The following ERCC8 variants were observed in gnomAD, a reference collection of about 807,000 sequenced individuals.
The protein encoded by ERCC8 is DNA excision repair protein ERCC-8.
Under a neutral mutation model 54.9 loss-of-function variants are expected in ERCC8, and 52 were observed. The observed-to-expected ratio is 0.95, with a 90% CI of 0.76 to 1.19. The LOEUF is 1.19. ERCC8 is among the 50% of genes most tolerant of loss of function. ERCC8 has a pLI of 0.00. For synonymous variants in ERCC8, 146 were observed against 157.2 expected (o/e 0.93, Z 0.53); for missense variants, 514 against 466.1 (o/e 1.10, Z -0.95).
At chr5:60,901,626 C>A (rs777880562) in intron 7 of ERCC8, among the ~76,000 whole-genome samples, 5 of 152,082 alleles carry the variant, frequency 3.3e-5, no homozygotes, top group Non-Finnish European at 5.9e-5. Context: ...TCATGTCCAC[C>A]TTTTCCTCTT....
At chr5:60,882,667 G>C (rs910881993) in intron 11 of ERCC8, among the ~76,000 whole-genome samples, 6 of 152,112 alleles carry the variant, frequency 3.9e-5, no homozygotes, top group African/African-American at 1.4e-4. Context: ...GATTACAGGC[G>C]TGAGCCACCA....
rs1350753478 is a variant in ERCC8, at chr5:60,870,357, A to T, written c.*4258T>A. Reference sequence around the variant, plus strand: ...GATAAGACAATGAAAGAGAAGTCGAAGTCAGGCCCGGCACGGTGGCTCACG... The same window carrying T: ...GATAAGACAATGAAAGAGAAGTCGATGTCAGGCCCGGCACGGTGGCTCACG... On this transcript the variant is annotated 3_prime_UTR_variant, in exon 12 of 12. Coordinates refer to ENST00000676185, the MANE Select transcript of ERCC8 (RefSeq NM_000082.4). 6.6e-6 allele frequency among the ~76,000 whole-genome samples: 1 copy of T among 151,826 alleles called. No individual in the cohort carries two copies. The highest frequency in any genetic ancestry group is 1.5e-5 in the Non-Finnish European group (1 of 67,958).
intron 11 of ERCC8, among the ~76,000 whole-genome samples, chr5:60,880,817 C>G (rs890126953): frequency 2.0e-5 from 3 of 152,146 alleles, no homozygotes; most frequent in Non-Finnish European, 4.4e-5. Flanking sequence ...CAAACTTCCT[C>G]CTTTAGCCCG....
intron 3 of ERCC8, among the ~76,000 whole-genome samples, chr5:60,921,120 A>T (rs890697518): frequency 6.6e-6 from 1 of 151,942 alleles, no homozygotes; most frequent in Non-Finnish European, 1.5e-5. Context: ...ATAGAAACGT[A>T]TAAGAACCAC....
At chr5:60,892,534 G>A in intron 9 of ERCC8, 1 of 626,604 alleles carries the variant, frequency 1.6e-6, no homozygotes, top group African/African-American at 1.8e-5. Flanking sequence ...GCCTGCTCCT[G>A]ACTGTGTAAG....
At chr5:60,937,965 A>C (rs1327117408) in intron 1 of ERCC8, among the ~76,000 whole-genome samples, 1 of 150,604 alleles carries the variant, frequency 6.6e-6, no homozygotes, top group East Asian at 1.9e-4. Flanking sequence ...TAGTGTCTTA[A>C]GATGGCTACA....
chr5:60,941,067 G>A (rs1750243346), intron 1 of ERCC8, among the ~76,000 whole-genome samples: 1 of 152,136 alleles, frequency 6.6e-6, no homozygotes, highest in African/African-American at 2.4e-5. Context: ...TAATCCCAGT[G>A]ACTCTTGTGA....
At chr5:60,895,204 T>C (rs1321052719) in intron 9 of ERCC8, among the ~76,000 whole-genome samples, 1 of 151,892 alleles carries the variant, frequency 6.6e-6, no homozygotes, top group Admixed American at 6.6e-5. Context: ...TTCACTTTTT[T>C]TTCTATAGGT....
At chr5:60,922,297 A>G in intron 2 of ERCC8, 142 bp from the exon 3 acceptor site, 1 of 529,238 alleles carries the variant, frequency 1.9e-6, no homozygotes, top group South Asian at 2.9e-5. Context: ...TTAATCCTCA[A>G]TAACACAGAC....
At chr5:60,905,933 AG>A (rs1357180503) in intron 4 of ERCC8, among the ~76,000 whole-genome samples, 3 of 151,906 alleles carry the variant, frequency 2.0e-5, no homozygotes, top group African/African-American at 7.3e-5. Context: ...TGCAATCATA[AG>A]GGTGTGGGGA....
chr5:60,890,976 A>G lies in ERCC8; in HGVS notation c.954T>C (p.Val318=). The G allele has an allele frequency of 6.2e-7, 1 of 1,613,288 alleles. No individual in the cohort carries two copies. Among genetic ancestry groups the G allele is most frequent in the Non-Finnish European group, 8.5e-7 (1 of 1,179,374 alleles). Residue 318 remains valine (V), a synonymous_variant, in exon 10 of 12, where the codon GTT becomes GTC. Transcript: ENST00000676185. ...VFVPYGSTIA[V]YTVYSGEQIT... is the part of the protein sequence containing the mutation. Reference sequence around the variant, plus strand: ...TCTGTTCTCCTGAGTAAACTGTATAAACAGCAATGGTGCTACCATATGGTA... The same window carrying G: ...TCTGTTCTCCTGAGTAAACTGTATAGACAGCAATGGTGCTACCATATGGTA...
chr5:60,866,844 T>G lies in ERCC8; in HGVS notation c.*7771A>C, dbSNP rs967233393. 1.3e-5 allele frequency: 2 copies of G among 152,188 alleles called. 1 individual carries two copies. 9.4% of individuals were successfully genotyped at this position (152,188 alleles called of 1,614,324 possible). On this transcript the variant is annotated 3_prime_UTR_variant, in exon 12 of 12. Transcript: ENST00000676185. Reference sequence around the variant, plus strand: ...AATAATTTTCTATTCCAGTTTTCTGTCCCCTTCCTTTTTTTTTTGAGATGG... The same window carrying G: ...AATAATTTTCTATTCCAGTTTTCTGGCCCCTTCCTTTTTTTTTTGAGATGG...
At chr5:60,912,627 T>C (rs1749303661) in intron 4 of ERCC8, among the ~76,000 whole-genome samples, 2 of 152,144 alleles carry the variant, frequency 1.3e-5, no homozygotes, top group African/African-American at 4.8e-5. Flanking sequence ...TCCAACGCTA[T>C]GTTAAATAGG....
At chr5:60,912,534 C>A (rs1206621244) in intron 4 of ERCC8, among the ~76,000 whole-genome samples, 1 of 152,124 alleles carries the variant, frequency 6.6e-6, no homozygotes, top group Non-Finnish European at 1.5e-5. Flanking sequence ...ATGTCATCTG[C>A]AAACAGGGAG....
intron 2 of ERCC8, among the ~76,000 whole-genome samples, chr5:60,926,016 G>C: frequency 6.6e-6 from 1 of 152,010 alleles, no homozygotes; most frequent in Non-Finnish European, 1.5e-5. Context: ...GTAGAGACGG[G>C]GTTTCACCAC....
chr5:60,879,920 G>A (rs1241545525), intron 11 of ERCC8, among the ~76,000 whole-genome samples: 1 of 152,284 alleles, frequency 6.6e-6, no homozygotes, highest in Admixed American at 6.5e-5. Flanking sequence ...GACATTAGCT[G>A]GTTATTTTGC....
At chr5:60,876,119 A>C (rs1289266162) in intron 11 of ERCC8, among the ~76,000 whole-genome samples, 2 of 151,984 alleles carry the variant, frequency 1.3e-5, no homozygotes, top group Non-Finnish European at 2.9e-5. Context: ...ATGAGTGAGA[A>C]CTTGGCGGTG....
chr5:60,932,838 G>C (rs1405590879), intron 1 of ERCC8, among the ~76,000 whole-genome samples: 5 of 152,066 alleles, frequency 3.3e-5, no homozygotes, highest in Non-Finnish European at 2.9e-5. Flanking sequence ...CAAGGAGAGA[G>C]GAAAGAGTAG....
At chr5:60,909,490 G>A (rs986677870) in intron 4 of ERCC8, among the ~76,000 whole-genome samples, 1 of 151,998 alleles carries the variant, frequency 6.6e-6, no homozygotes, top group African/African-American at 2.4e-5. Context: ...AGACAGCAAG[G>A]TCAACTCCTC....
Sources: gnomAD v4.1 joint callset for allele counts (sites outside exome capture counted in the v4.1 genomes callset) on GRCh38, gnomAD v4.1.1 for gene constraint, MANE v1.5 for transcripts, NCBI Gene and HGNC (gene_info 2026-07-23, HGNC 2026-07-21) for gene names.